VPS36: variants seen among roughly 807,000 people sequenced by gnomAD.
The protein encoded by VPS36 is vacuolar protein-sorting-associated protein 36.
A neutral mutation model predicts 63.5 loss-of-function variants in VPS36; 31 were observed. The observed-to-expected ratio is 0.49, with a 90% CI of 0.37 to 0.66. The LOEUF is 0.66. VPS36 is among the 30% of genes least tolerant of loss of function. The probability of loss-of-function intolerance (pLI) is 0.00; values close to 1 mark genes in which losing one functional copy is unlikely to be tolerated. For synonymous variants in VPS36, 138 were observed against 157.2 expected (o/e 0.88, Z 0.91); for missense variants, 338 against 463.7 (o/e 0.73, Z 2.49).
intron 2 of VPS36, among the ~76,000 whole-genome samples, chr13:52,441,846 C>CCTAGCCT (rs1227807105): frequency 6.6e-6 from 1 of 152,174 alleles, no homozygotes; most frequent in Non-Finnish European, 1.5e-5. Context: ...TGATGGCAGG[C>CCTAGCCT]CTAGCCTCCT....
chr13:52,441,741 G>C (rs1425020832), intron 2 of VPS36, among the ~76,000 whole-genome samples: 3 of 151,766 alleles, frequency 2.0e-5, no homozygotes, highest in Non-Finnish European at 4.4e-5. Flanking sequence ...GAAAGAGCGA[G>C]ACTCCATCTC....
intron 9 of VPS36, among the ~76,000 whole-genome samples, chr13:52,425,316 A>C (rs1958091605): frequency 6.6e-6 from 1 of 152,060 alleles, no homozygotes; most frequent in African/African-American, 2.4e-5. Flanking sequence ...AAAGTATTTT[A>C]ATTTTTTAGA....
At chr13:52,424,342 T>A (rs1958074638) in intron 9 of VPS36, among the ~76,000 whole-genome samples, 1 of 152,184 alleles carries the variant, frequency 6.6e-6, no homozygotes, top group South Asian at 2.1e-4. Context: ...TGTCAATGGC[T>A]GTTAACATCA....
chr13:52,442,689 T>G (rs1428464884), intron 1 of VPS36, among the ~76,000 whole-genome samples: 1 of 152,148 alleles, frequency 6.6e-6, no homozygotes, highest in African/African-American at 2.4e-5. Context: ...TACTCTGCAA[T>G]GCATGCAAAG....
intron 6 of VPS36, chr13:52,429,158 A>T: frequency 1.5e-6 from 1 of 679,418 alleles, no homozygotes; most frequent in Non-Finnish European, 1.8e-6. Context: ...TTTCCACTCC[A>T]ATTTTGAGAA....
Position 52,423,621 on chromosome 13 carries a change from A to G in VPS36, c.793T>C (p.Ser265Pro), listed in dbSNP as rs758744494. The G allele has an allele frequency of 1.9e-6, 3 of 1,611,312 alleles. No individual in the cohort carries two copies. Among genetic ancestry groups the G allele is most frequent in the South Asian group, 2.2e-5 (2 of 90,734 alleles). Reference sequence around the variant, plus strand: ...ACTAAGCAGTACACCTCCGTGAGTGACATTATTCCCCCTCGTTCCTGTTCA... The same window carrying G: ...ACTAAGCAGTACACCTCCGTGAGTGGCATTATTCCCCCTCGTTCCTGTTCA... ...VPLEERGGIM[S>P]LTEVYCLVNR... Residue 265 changes from serine to proline, a missense_variant, in exon 10 of 14, where the codon TCA becomes CCA. Transcript: ENST00000378060.
chr13:52,415,840 G>A lies in VPS36; in HGVS notation c.1151C>T (p.Thr384Ile). The A allele has an allele frequency of 6.2e-7, 1 of 1,613,932 alleles. No homozygotes were observed. Among genetic ancestry groups the A allele is most frequent in the East Asian group, 2.2e-5 (1 of 44,868 alleles). Residue 384 changes from threonine to isoleucine, a missense_variant, in exon 14 of 14, where the codon ACA (threonine) becomes ATA (isoleucine). Physicochemically the swap from Thr to Ile is moderately conservative, Grantham distance 89. Coordinates refer to ENST00000378060, the MANE Select transcript of VPS36 (RefSeq NM_016075.4). ...TTAAATACAAAACCCTTAGCTCTGT[G>A]TCATAAATAAATTTGGGTAAAAACG... ...GLRFYPNLFM[T>I]QS
intron 6 of VPS36, among the ~76,000 whole-genome samples, chr13:52,432,106 A>G (rs2137792162): frequency 6.6e-6 from 1 of 152,310 alleles, no homozygotes; most frequent in African/African-American, 2.4e-5. Flanking sequence ...TAATCCCATC[A>G]CTTTGAGAGG....
chr13:52,414,359 C>T lies in VPS36; in HGVS notation c.*1471G>A, dbSNP rs998257951. 1 of 152,168 alleles carries T rather than the reference C, an allele frequency of 6.6e-6. No individual in the cohort carries two copies. The highest frequency in any genetic ancestry group is 1.5e-5 in the Non-Finnish European group (1 of 68,052). 9.4% of individuals were successfully genotyped at this position (152,168 alleles called of 1,614,324 possible). A position where few individuals can be genotyped will look rare whatever the true frequency, so the allele number is the denominator to read the frequency against. ...ACCTGAGGCTGAGCAATGGGGGAAC[C>T]AGAGGATCTGTCACCACAATGAAGA... On this transcript the variant is annotated 3_prime_UTR_variant, in exon 14 of 14. Coordinates refer to ENST00000378060, the MANE Select transcript of VPS36 (RefSeq NM_016075.4).
intron 6 of VPS36, chr13:52,429,168 A>C: frequency 1.3e-6 from 1 of 781,206 alleles, no homozygotes; most frequent in South Asian, 5.9e-5. Context: ...AATTTTGAGA[A>C]AAACAGCACC....
At position 52,443,262 on chromosome 13, in the gene VPS36, CCTTT is replaced by C. The variant is rs1958299228; in HGVS notation, c.97-821_97-818del. 2.6e-5 allele frequency among the ~76,000 whole-genome samples: 4 copies of C among 152,216 alleles called. No homozygotes were observed. In the South Asian group the frequency reaches 8.3e-4, roughly 32 times the overall value. On this transcript the variant is annotated intron_variant, in intron 1 of 13. Transcript: ENST00000378060. ...TTTAAAATAATCTGAGGGGAGAAGA[CCTTT>C]CTAAGAAGGCATAAAACCCATTAGC...
At chr13:52,434,968 TTTC>T in intron 4 of VPS36, 86 bp from the exon 5 acceptor site, 4 of 1,289,076 alleles carry the variant, frequency 3.1e-6, no homozygotes, top group East Asian at 2.5e-5. Context: ...TCTTTCTTTT[TTTC>T]TTTTTTTTTT....
At chr13:52,434,937 T>C in intron 4 of VPS36, 55 bp from the exon 5 acceptor site, 1 of 1,432,050 alleles carries the variant, frequency 7.0e-7, no homozygotes, top group African/African-American at 1.4e-5. Flanking sequence ...AACATCCTTG[T>C]ATAAATCATT....
In VPS36 at chr13:52,450,572, C is replaced by A; in HGVS notation, c.23G>T (p.Ser8Ile). The A allele has an allele frequency of 6.3e-6, 10 of 1,590,670 alleles. No homozygotes were observed. Among genetic ancestry groups the A allele is most frequent in the Non-Finnish European group, 8.6e-6 (10 of 1,169,046 alleles). MDRFVWT[S>I]GLLEINETLV... ...GGTCTCGTTGATCTCCAGGAGGCCG[C>A]TGGTCCAAACGAAGCGGTCCATGGC... is the stretch of plus-strand genomic sequence containing the variant. The change falls in exon 1 of 14, where the codon AGC becomes ATC. Residue 8 changes from serine to isoleucine, a missense_variant. Coordinates refer to ENST00000378060, the MANE Select transcript of VPS36 (RefSeq NM_016075.4).
intron 1 of VPS36, among the ~76,000 whole-genome samples, chr13:52,444,677 A>G (rs959612187): frequency 2.6e-5 from 4 of 151,612 alleles, no homozygotes; most frequent in African/African-American, 7.3e-5. Flanking sequence ...GAGACTTATG[A>G]TATTAATACA....
Position 52,415,874 on chromosome 13 carries a change from C to T in VPS36, c.1117G>A (p.Glu373Lys). 1 of 1,614,076 alleles carries T rather than the reference C, an allele frequency of 6.2e-7. No individual in the cohort carries two copies. Among genetic ancestry groups the T allele is most frequent in the South Asian group, 1.1e-5 (1 of 91,074 alleles). ...MGHLCRDDSV[E>K]GLRFYPNLFM... ...AAATTTGGGTAAAAACGCAGGCCTTCCACTGAGTCATCACGGCAAAGATGG... is the reference window on the plus strand; with the variant it reads ...AAATTTGGGTAAAAACGCAGGCCTTTCACTGAGTCATCACGGCAAAGATGG... The change falls in exon 14 of 14, where the codon GAA becomes AAA. Residue 373 changes from glutamate to lysine, a missense_variant. Transcript: ENST00000378060.
chr13:52,448,780 C>G (rs1159645767), intron 1 of VPS36, among the ~76,000 whole-genome samples: 1 of 152,164 alleles, frequency 6.6e-6, no homozygotes, highest in South Asian at 2.1e-4. Flanking sequence ...TTCCATAGAA[C>G]AGTATCATGC....
chr13:52,446,967 C>T (rs1958349769), intron 1 of VPS36, among the ~76,000 whole-genome samples: 1 of 150,694 alleles, frequency 6.6e-6, no homozygotes, highest in South Asian at 2.1e-4. Context: ...CCTCTGCCAT[C>T]CGGGTTCAAG....
At chr13:52,416,914 G>T in intron 12 of VPS36, 143 bp downstream of exon 12, 1 of 676,246 alleles carries the variant, frequency 1.5e-6, no homozygotes. Flanking sequence ...TTCATTGTTA[G>T]TGATAAACCA....
Sources: gnomAD v4.1 joint callset for allele counts (sites outside exome capture counted in the v4.1 genomes callset) on GRCh38, gnomAD v4.1.1 for gene constraint, MANE v1.5 for transcripts, NCBI Gene and HGNC (gene_info 2026-07-23, HGNC 2026-07-21) for gene names.